The following ZNF385B variants were observed in gnomAD, a reference collection of about 807,000 sequenced individuals.
ZNF385B encodes zinc finger protein 533.
In ZNF385B, 23 loss-of-function variants were observed where a neutral mutation model predicts 39.2. That is an observed-to-expected ratio of 0.59 (90% CI 0.42 to 0.83). The LOEUF is 0.83. ZNF385B is among the 40% of genes least tolerant of loss of function. The probability of loss-of-function intolerance (pLI) is 0.00; values close to 1 mark genes in which losing one functional copy is unlikely to be tolerated. For missense variants in ZNF385B, 552 were observed against 598.9 expected (o/e 0.92, Z 0.82); for synonymous variants, 205 against 222.6 (o/e 0.92, Z 0.70).
intron 3 of ZNF385B, among the ~76,000 whole-genome samples, chr2:179,667,846 C>G (rs1441936578): frequency 2.0e-5 from 3 of 152,172 alleles, no homozygotes; most frequent in African/African-American, 4.8e-5. Context: ...TTCCAGGTAA[C>G]TGACATCAGT....
chr2:179,706,957 C>A (rs1699646450), intron 3 of ZNF385B, among the ~76,000 whole-genome samples: 1 of 152,144 alleles, frequency 6.6e-6, no homozygotes, highest in South Asian at 2.1e-4. Context: ...TGAGTTAGGG[C>A]TATTATGACT....
chr2:179,457,132 C>A (rs976323644), intron 6 of ZNF385B, among the ~76,000 whole-genome samples: 1 of 152,072 alleles, frequency 6.6e-6, no homozygotes, highest in African/African-American at 2.4e-5. Flanking sequence ...GGAAATCACA[C>A]AATATATTTC....
chr2:179,456,738 C>A (rs1222470360), intron 6 of ZNF385B, among the ~76,000 whole-genome samples: 2 of 152,044 alleles, frequency 1.3e-5, no homozygotes, highest in African/African-American at 4.8e-5. Flanking sequence ...TTATATCTTA[C>A]AATAATGGTA....
intron 1 of ZNF385B, among the ~76,000 whole-genome samples, chr2:179,810,228 A>T (rs1184276116): frequency 6.6e-6 from 1 of 151,898 alleles, no homozygotes; most frequent in Non-Finnish European, 1.5e-5. Flanking sequence ...TTTATAAAGG[A>T]AGGACGTTAA....
At chr2:179,764,867 T>C (rs2106494672) in intron 3 of ZNF385B, among the ~76,000 whole-genome samples, 1 of 152,338 alleles carries the variant, frequency 6.6e-6, no homozygotes, top group East Asian at 1.9e-4. Flanking sequence ...ATTCTGCGTA[T>C]TTCTTCCTGC....
At chr2:179,809,220 T>G (rs1706581999) in intron 1 of ZNF385B, among the ~76,000 whole-genome samples, 1 of 152,152 alleles carries the variant, frequency 6.6e-6, no homozygotes, top group Non-Finnish European at 1.5e-5. Flanking sequence ...AGTAATCTAA[T>G]CTGAGATTCA....
At chr2:179,815,240 C>T (rs1706989843) in intron 1 of ZNF385B, among the ~76,000 whole-genome samples, 1 of 152,140 alleles carries the variant, frequency 6.6e-6, no homozygotes, top group Admixed American at 6.5e-5. Context: ...GGTAGAGAGA[C>T]TTGTCTAGGA....
At chr2:179,763,833 T>C (rs1376869726) in intron 3 of ZNF385B, among the ~76,000 whole-genome samples, 1 of 152,232 alleles carries the variant, frequency 6.6e-6, no homozygotes, top group East Asian at 1.9e-4. Context: ...GAAAATATTG[T>C]ATATGATTAC....
chr2:179,595,063 A>T (rs1402103019), intron 3 of ZNF385B, among the ~76,000 whole-genome samples: 5 of 152,228 alleles, frequency 3.3e-5, no homozygotes, highest in African/African-American at 1.2e-4. Context: ...ATAAATGCCA[A>T]TAAAAATAAT....
intron 4 of ZNF385B, among the ~76,000 whole-genome samples, chr2:179,532,674 C>T (rs1213397319): frequency 6.6e-6 from 1 of 152,220 alleles, no homozygotes; most frequent in Non-Finnish European, 1.5e-5. Flanking sequence ...TGCCTCCCCA[C>T]AACCTGTAAT....
intron 3 of ZNF385B, among the ~76,000 whole-genome samples, chr2:179,587,042 A>G (rs1164483884): frequency 6.6e-6 from 1 of 152,152 alleles, no homozygotes; most frequent in Non-Finnish European, 1.5e-5. Context: ...CCATCTCAAA[A>G]AAACAAACAA....
chr2:179,837,456 T>C (rs1399122326), intron 1 of ZNF385B, among the ~76,000 whole-genome samples: 1 of 152,220 alleles, frequency 6.6e-6, no homozygotes, highest in Non-Finnish European at 1.5e-5. Context: ...GCATCTCTTT[T>C]CTAAAGCACA....
intron 5 of ZNF385B, among the ~76,000 whole-genome samples, chr2:179,506,625 T>G (rs2057277859): frequency 6.6e-6 from 1 of 152,144 alleles, no homozygotes; most frequent in African/African-American, 2.4e-5. Flanking sequence ...ATAAAATACA[T>G]TAATGTAACA....
At chr2:179,576,956 G>A (rs1253836478) in intron 3 of ZNF385B, among the ~76,000 whole-genome samples, 6 of 152,086 alleles carry the variant, frequency 3.9e-5, no homozygotes, top group Non-Finnish European at 8.8e-5. Flanking sequence ...ATAAAAACCG[G>A]TCCTTTTGCT....
chr2:179,566,352 C>T (rs1157456455), intron 3 of ZNF385B, among the ~76,000 whole-genome samples: 1 of 152,202 alleles, frequency 6.6e-6, no homozygotes, highest in East Asian at 1.9e-4. Flanking sequence ...GTGTAAGATA[C>T]AGCATTGCAT....
chr2:179,761,453 A>G (rs1703378997), intron 3 of ZNF385B, among the ~76,000 whole-genome samples: 1 of 152,208 alleles, frequency 6.6e-6, no homozygotes. Context: ...TTCAGCATAC[A>G]GATCCTACAC....
intron 6 of ZNF385B, among the ~76,000 whole-genome samples, chr2:179,464,757 A>G (rs1029873266): frequency 3.9e-5 from 6 of 152,128 alleles, no homozygotes; most frequent in African/African-American, 1.4e-4. Flanking sequence ...GTAGCCTTGT[A>G]GTATAGTTTG....
intron 3 of ZNF385B, among the ~76,000 whole-genome samples, chr2:179,694,979 AGG>A (rs1698623042): frequency 2.0e-5 from 3 of 151,826 alleles, no homozygotes; most frequent in African/African-American, 4.8e-5. Flanking sequence ...GAGGAGGAGG[AGG>A]AGGAGGAGAA....
intron 3 of ZNF385B, among the ~76,000 whole-genome samples, chr2:179,713,903 T>A: frequency 6.6e-6 from 1 of 152,234 alleles, no homozygotes; most frequent in Non-Finnish European, 1.5e-5. Context: ...TTTTGCCCTA[T>A]ATAAGGTTAG....
Sources: gnomAD v4.1 joint callset for allele counts (sites outside exome capture counted in the v4.1 genomes callset) on GRCh38, gnomAD v4.1.1 for gene constraint, MANE v1.5 for transcripts, NCBI Gene and HGNC (gene_info 2026-07-23, HGNC 2026-07-21) for gene names.